The following ZNF282 variants were observed in gnomAD, a reference collection of about 807,000 sequenced individuals.
ZNF282 encodes the protein zinc finger protein 282, also known as HTLV-I U5 repressive element-binding protein 1.
ZNF282 carries 30 observed loss-of-function variants against 61.9 expected under a neutral mutation model. The observed-to-expected ratio is 0.48, with a 90% CI of 0.36 to 0.66. The LOEUF (loss-of-function observed/expected upper bound fraction) is 0.66, where lower values mean the gene tolerates loss of function less well. ZNF282 is among the 30% of genes least tolerant of loss of function. ZNF282 has a pLI of 0.00. For synonymous variants in ZNF282, 396 were observed against 405.0 expected, an observed-to-expected ratio of 0.98 and a Z score of 0.27; for missense variants, 788 against 941.4, an observed-to-expected ratio of 0.84 and a Z score of 2.13.
Position 149,224,340 on chromosome 7 carries a change from G to T in ZNF282, c.1709G>T (p.Gly570Val). Residue 570 changes from glycine (G) to valine (V), a missense_variant, in exon 8 of 8, where the codon GGC (glycine) becomes GTC (valine). Coordinates refer to ENST00000610704, the MANE Select transcript of ZNF282 (RefSeq NM_003575.4). ...ATCCGCCACCAGATGACGCACCGCG[G>T]CGAGCGGCCCTACAAGTGCTCGGAG... ...GLIRHQMTHR[G>V]ERPYKCSECE... 1 of 1,613,758 alleles carries T rather than the reference G, an allele frequency of 6.2e-7. No homozygotes were observed.
chr7:149,223,751 A>G, intron 7 of ZNF282, 61 bp from the exon 8 acceptor site: 1 of 1,397,828 alleles, frequency 7.2e-7, no homozygotes, highest in Non-Finnish European at 9.3e-7. Flanking sequence ...CCCCTTCGGG[A>G]GCAGTGTGGG....
rs748266878 is a variant in ZNF282, at chr7:149,224,448, T to C, written c.1817T>C (p.Leu606Pro). ...HTGERPFQCA[L>P]CGKSFIRKQN... ...GGCGAGCGGCCTTTCCAATGTGCAC[T>C]GTGCGGCAAGAGCTTCATCCGCAAG... Residue 606 changes from leucine (L) to proline (P), a missense_variant, in exon 8 of 8, where the codon CTG (leucine) becomes CCG (proline). Physicochemically the swap from Leu to Pro is moderately conservative, Grantham distance 98. Coordinates refer to ENST00000610704, the MANE Select transcript of ZNF282 (RefSeq NM_003575.4). 2 of 1,612,280 alleles carry C rather than the reference T, an allele frequency of 1.2e-6. No individual in the cohort carries two copies. Among genetic ancestry groups the C allele is most frequent in the East Asian group, 2.2e-5 (1 of 44,796 alleles).
At position 149,224,793 on chromosome 7, in the gene ZNF282, G is replaced by T; in HGVS notation, c.*146G>T. On this transcript the variant is annotated 3_prime_UTR_variant, in exon 8 of 8. Transcript: ENST00000610704. ...TGGGGGTCCCCCAGGGTGGGGCAGG[G>T]ATCCCCCAGATCTGTCTGGTCTGAA... The T allele has an allele frequency of 7.5e-7, 1 of 1,332,896 alleles. No individual in the cohort carries two copies. The highest frequency in any genetic ancestry group is 9.9e-7 in the Non-Finnish European group (1 of 1,007,292). 82.6% of individuals were successfully genotyped at this position (1,332,896 alleles called of 1,614,324 possible).
At chr7:149,222,741 A>G (rs762042130) in intron 7 of ZNF282, among the ~76,000 whole-genome samples, 35 of 149,136 alleles carry the variant, frequency 2.3e-4, no homozygotes, top group Non-Finnish European at 2.8e-4. Flanking sequence ...TCCGCCTCCC[A>G]GGTTCAAGTG....
At chr7:149,202,150 C>CTTTT (rs35380773) in intron 2 of ZNF282, among the ~76,000 whole-genome samples, 15 of 126,564 alleles carry the variant, frequency 1.2e-4, no homozygotes, top group South Asian at 4.9e-4. Context: ...AGATATGCTT[C>CTTTT]TTTTTTTTTT....
In ZNF282 at chr7:149,198,215, G is replaced by C; in HGVS notation, c.166-118G>C. ...GTGTTAGTGTATCCTGAGTTACGGGGGCCTGGCAGAAGAAAGACGACATGT... is the reference window on the plus strand; with the variant it reads ...GTGTTAGTGTATCCTGAGTTACGGGCGCCTGGCAGAAGAAAGACGACATGT... On this transcript the variant is annotated intron_variant, in intron 1 of 7. Coordinates refer to ENST00000610704, the MANE Select transcript of ZNF282 (RefSeq NM_003575.4). The surrounding 1 kb of genome is among the most constrained non-coding windows in gnomAD (Gnocchi z 4.3). 1 of 1,241,876 alleles carries C rather than the reference G, an allele frequency of 8.1e-7. No individual in the cohort carries two copies. The highest frequency in any genetic ancestry group is 1.5e-5 in the South Asian group (1 of 66,850). 76.9% of individuals were successfully genotyped at this position (1,241,876 alleles called of 1,614,324 possible).
chr7:149,195,880 G>A, intron 1 of ZNF282, 126 bp downstream of exon 1: 1 of 864,332 alleles, frequency 1.2e-6, no homozygotes, highest in Non-Finnish European at 1.4e-6. Flanking sequence ...GCGCCCAGGC[G>A]AGGCCCGAGG....
At chr7:149,221,858 T>A (rs1796259040) in intron 7 of ZNF282, among the ~76,000 whole-genome samples, 1 of 152,026 alleles carries the variant, frequency 6.6e-6, no homozygotes, top group Admixed American at 6.6e-5. Context: ...AGATGTGGCC[T>A]GGGAAGTGGC....
chr7:149,206,853 C>G, intron 3 of ZNF282, 31 bp downstream of exon 3: 1 of 1,612,724 alleles, frequency 6.2e-7, no homozygotes, highest in Non-Finnish European at 8.5e-7. Context: ...CTTTGGTGAG[C>G]CATCTCTGCA....
At chr7:149,220,418 A>G (rs770713794) in intron 7 of ZNF282, among the ~76,000 whole-genome samples, 18 of 151,530 alleles carry the variant, frequency 1.2e-4, no homozygotes, top group Non-Finnish European at 2.5e-4. Context: ...TCTCCAAAAG[A>G]AAAAAAAAGA....
chr7:149,215,181 C>T (rs1457915971), intron 7 of ZNF282, among the ~76,000 whole-genome samples: 1 of 150,978 alleles, frequency 6.6e-6, no homozygotes, highest in Non-Finnish European at 1.5e-5. Flanking sequence ...TGTTCCCTGT[C>T]CATATTTCCT....
At chr7:149,212,904 A>AT (rs1432396693) in intron 6 of ZNF282, among the ~76,000 whole-genome samples, 2 of 152,200 alleles carry the variant, frequency 1.3e-5, no homozygotes, top group East Asian at 3.8e-4. Flanking sequence ...TTTTTGAACA[A>AT]TAAAAACAAC....
In ZNF282 at chr7:149,198,260, CCT is replaced by C; in HGVS notation, c.166-72_166-71del. ...ACATGTAGCATCTGATTAGTTGACC[CCT>C]GTTCCCAGCTGACTTCCCCGGCTCA... On this transcript the variant is annotated intron_variant, in intron 1 of 7. Coordinates refer to ENST00000610704, the MANE Select transcript of ZNF282 (RefSeq NM_003575.4). This position sits in a 1 kb window ranked among gnomAD's most constrained non-coding sequence, Gnocchi z 4.3. The C allele has an allele frequency of 6.6e-7, 1 of 1,512,246 alleles. No homozygotes were observed. The highest frequency in any genetic ancestry group is 1.3e-5 in the South Asian group (1 of 76,410). 93.7% of individuals were successfully genotyped at this position (1,512,246 alleles called of 1,614,324 possible). A position where few individuals can be genotyped will look rare whatever the true frequency, so the allele number is the denominator to read the frequency against.
chr7:149,216,656 G>A (rs1234875138), intron 7 of ZNF282, among the ~76,000 whole-genome samples: 1 of 152,160 alleles, frequency 6.6e-6, no homozygotes, highest in Non-Finnish European at 1.5e-5. Flanking sequence ...ACAGCCAGAT[G>A]GTAGCCATGC....
In ZNF282 at chr7:149,221,628, T is replaced by C. The variant is rs1796253752; in HGVS notation, c.1181-2184T>C. Among the ~76,000 whole-genome samples the C allele has an allele frequency of 3.3e-5, 5 of 152,114 alleles. No individual in the cohort carries two copies. In the South Asian group the frequency reaches 1.0e-3, roughly 32 times the overall value. On this transcript the variant is annotated intron_variant, in intron 7 of 7. Coordinates refer to ENST00000610704, the MANE Select transcript of ZNF282 (RefSeq NM_003575.4). ...AGGCCACAGCGATCTCCCGGGATTCTCTGGAGCTGGGATGACCCTTCCCAG... is the reference window on the plus strand; with the variant it reads ...AGGCCACAGCGATCTCCCGGGATTCCCTGGAGCTGGGATGACCCTTCCCAG...
At chr7:149,215,195 A>ATTTTTTTTTT (rs36096302) in intron 7 of ZNF282, among the ~76,000 whole-genome samples, 1 of 90,658 alleles carries the variant, frequency 1.1e-5, no homozygotes. Context: ...ATTTCCTGAC[A>ATTTTTTTTTT]TTTTTTTTTT....
chr7:149,200,586 A>ATTATTTAT (rs568575464), intron 2 of ZNF282, among the ~76,000 whole-genome samples: 1 of 145,100 alleles, frequency 6.9e-6, no homozygotes, highest in African/African-American at 2.5e-5. Flanking sequence ...CACAGTCTTT[A>ATTATTTAT]TTATTTATTT....
Position 149,195,741 on chromosome 7 carries a change from T to A in ZNF282, c.152T>A (p.Met51Lys). 2.0e-6 allele frequency: 3 copies of A among 1,526,810 alleles called. No homozygotes were observed. The highest frequency in any genetic ancestry group is 2.6e-6 in the Non-Finnish European group (3 of 1,137,698). The allele number at this position is 1,526,810 out of a possible 1,614,324, so 94.6% of individuals were successfully genotyped here. A position where few individuals can be genotyped will look rare whatever the true frequency, so the allele number is the denominator to read the frequency against. ...CTGCGCGGGGAAATGGCCGAGGGAATGCCGCCCATGCAGGTGGGAGAACCC... is the reference window on the plus strand; with the variant it reads ...CTGCGCGGGGAAATGGCCGAGGGAAAGCCGCCCATGCAGGTGGGAGAACCC... ...PALRGEMAEG[M>K]PPMQAQEWDM... is the part of the protein sequence containing the mutation. The change falls in exon 1 of 8, where the codon ATG (methionine) becomes AAG (lysine). Residue 51 changes from methionine (M) to lysine (K), a missense_variant. Transcript: ENST00000610704.
intron 4 of ZNF282, among the ~76,000 whole-genome samples, chr7:149,207,942 C>T (rs1796024222): frequency 6.6e-6 from 1 of 152,236 alleles, no homozygotes; most frequent in Non-Finnish European, 1.5e-5. Context: ...CCGCTTGCCT[C>T]ACTCAAGAAG....
Sources: allele counts gnomAD v4.1 joint callset (sites outside exome capture counted in the v4.1 genomes callset), GRCh38; gene constraint gnomAD v4.1.1; non-coding constraint Gnocchi (gnomAD v3.1); transcripts MANE v1.5; gene names NCBI Gene and HGNC (gene_info 2026-07-23, HGNC 2026-07-21).